The following EXOC4 variants were observed in gnomAD, a reference collection of about 807,000 sequenced individuals.
The protein encoded by EXOC4 is SEC8-like 1.
Under a neutral mutation model 107.2 loss-of-function variants are expected in EXOC4, and 71 were observed. The observed-to-expected ratio is 0.66, with a 90% CI of 0.55 to 0.81. The LOEUF (loss-of-function observed/expected upper bound fraction) is 0.81, where lower values mean the gene tolerates loss of function less well. Ranked by LOEUF, EXOC4 falls within the 30% of genes least tolerant of loss-of-function variation. The pLI is 0.00. For synonymous variants in EXOC4, 456 were observed against 441.2 expected (o/e 1.03, Z -0.42); for missense variants, 1,108 against 1,189.6 (o/e 0.93, Z 1.01).
chr7:134,042,047 C>A (rs892123658), intron 17 of EXOC4, among the ~76,000 whole-genome samples: 7 of 151,192 alleles, frequency 4.6e-5, no homozygotes, highest in Non-Finnish European at 1.0e-4. Context: ...GTGGGGAAGT[C>A]TATCTAGTCC....
intron 16 of EXOC4, among the ~76,000 whole-genome samples, chr7:134,007,378 G>A (rs927305229): frequency 7.9e-5 from 12 of 152,080 alleles, no homozygotes; most frequent in African/African-American, 2.9e-4. Context: ...ATAATAACCT[G>A]GCCTCTTCTC....
At chr7:133,541,093 T>C (rs1425323442) in intron 9 of EXOC4, among the ~76,000 whole-genome samples, 3 of 152,224 alleles carry the variant, frequency 2.0e-5, no homozygotes, top group Admixed American at 1.3e-4. Flanking sequence ...TTTTGAGTTA[T>C]TTGTAATATA....
At chr7:133,700,552 G>C (rs1399125058) in intron 10 of EXOC4, among the ~76,000 whole-genome samples, 1 of 152,152 alleles carries the variant, frequency 6.6e-6, no homozygotes, top group Non-Finnish European at 1.5e-5. Flanking sequence ...TATCTGAGGA[G>C]ACACATGGTC....
chr7:133,581,030 G>C (rs939137653), intron 9 of EXOC4, among the ~76,000 whole-genome samples: 1 of 152,166 alleles, frequency 6.6e-6, no homozygotes, highest in Admixed American at 6.5e-5. Flanking sequence ...GTGTTGCTTT[G>C]AGCATGCATT....
At chr7:133,829,198 GA>G (rs1797760322) in intron 11 of EXOC4, among the ~76,000 whole-genome samples, 1 of 152,196 alleles carries the variant, frequency 6.6e-6, no homozygotes, top group African/African-American at 2.4e-5. Context: ...GTGAAGGAAT[GA>G]AAGGAGAATG....
At chr7:133,808,529 C>G (rs1797134671) in intron 10 of EXOC4, among the ~76,000 whole-genome samples, 1 of 152,122 alleles carries the variant, frequency 6.6e-6, no homozygotes, top group Non-Finnish European at 1.5e-5. Flanking sequence ...TGCTCTGTGT[C>G]TTAAAAGTCA....
the EXOC4 span, among the ~76,000 whole-genome samples, chr7:134,082,443 AGTTGTT>A: frequency 1.3e-5 from 2 of 151,828 alleles, no homozygotes; most frequent in Non-Finnish European, 1.5e-5. Context: ...TAGTTTTTAT[AGTTGTT>A]GTTGTTGTTG....
intron 10 of EXOC4, among the ~76,000 whole-genome samples, chr7:133,735,714 T>C (rs540655088): frequency 1.2e-4 from 18 of 152,284 alleles, no homozygotes; most frequent in African/African-American, 4.3e-4. Flanking sequence ...GTGTTTTTGA[T>C]TATAAATTCT....
At chr7:134,086,989 G>A in the EXOC4 span, among the ~76,000 whole-genome samples, 1 of 152,068 alleles carries the variant, frequency 6.6e-6, no homozygotes, top group African/African-American at 2.4e-5. Flanking sequence ...TGGCCATCTT[G>A]GTTTTGGTGG....
chr7:133,806,540 C>T (rs1797081750), intron 10 of EXOC4, among the ~76,000 whole-genome samples: 1 of 152,156 alleles, frequency 6.6e-6, no homozygotes, highest in Non-Finnish European at 1.5e-5. Context: ...ATATTATGGT[C>T]CTCTCCATCC....
At chr7:133,265,187 C>T (rs1210043472) in intron 1 of EXOC4, among the ~76,000 whole-genome samples, 2 of 151,872 alleles carry the variant, frequency 1.3e-5, no homozygotes, top group Non-Finnish European at 2.9e-5. Flanking sequence ...TTTTTTCCAT[C>T]TCGGAGTGAG....
intron 14 of EXOC4, among the ~76,000 whole-genome samples, chr7:133,956,406 T>A (rs1157254256): frequency 6.6e-6 from 1 of 152,224 alleles, no homozygotes; most frequent in African/African-American, 2.4e-5. Flanking sequence ...CATTGCAAAG[T>A]GAAGCATATA....
rs745376050 is a variant in EXOC4 at position 133,576,741 on chromosome 7, C to T, written c.1418-53304C>T. ...CAACATGGAGATAGAGGATATTGGTCTACAGGGTACTATTGGAGAGGTAAC... is the reference window on the plus strand; with the variant it reads ...CAACATGGAGATAGAGGATATTGGTTTACAGGGTACTATTGGAGAGGTAAC... On this transcript the variant is annotated intron_variant, in intron 9 of 17. Coordinates refer to ENST00000253861, the MANE Select transcript of EXOC4 (RefSeq NM_021807.4). The T allele has an allele frequency of 1.7e-5, 22 of 1,289,738 alleles. 1 individual carries two copies. The South Asian group carries it at 2.7e-4, about 16-fold the overall frequency. 79.9% of individuals were successfully genotyped at this position (1,289,738 alleles called of 1,614,324 possible).
intron 10 of EXOC4, among the ~76,000 whole-genome samples, chr7:133,793,878 C>G (rs1796757862): frequency 7.3e-6 from 1 of 136,446 alleles, no homozygotes; most frequent in African/African-American, 2.7e-5. Context: ...ATAAAATGCC[C>G]TAAAACAGCT....
At chr7:133,616,051 G>T (rs1160598825) in intron 9 of EXOC4, among the ~76,000 whole-genome samples, 2 of 152,038 alleles carry the variant, frequency 1.3e-5, no homozygotes, top group African/African-American at 4.8e-5. Flanking sequence ...TGTTACCATT[G>T]CCAGTCTGTT....
chr7:133,799,331 G>A (rs1022001932), intron 10 of EXOC4, among the ~76,000 whole-genome samples: 5 of 152,162 alleles, frequency 3.3e-5, no homozygotes, highest in Admixed American at 1.3e-4. Flanking sequence ...TCCAGGAGCT[G>A]AGTCTGACTG....
At chr7:133,728,802 C>G (rs1795267837) in intron 10 of EXOC4, among the ~76,000 whole-genome samples, 1 of 152,178 alleles carries the variant, frequency 6.6e-6, no homozygotes, top group Admixed American at 6.5e-5. Context: ...GATCTTTTCT[C>G]TAGCATCCCT....
chr7:133,678,432 C>T (rs1164305825), intron 10 of EXOC4, among the ~76,000 whole-genome samples: 1 of 152,212 alleles, frequency 6.6e-6, no homozygotes, highest in Admixed American at 6.5e-5. Context: ...TCACTTCCAA[C>T]TGTTTCCCTC....
At chr7:133,611,625 A>T (rs1443490832) in intron 9 of EXOC4, among the ~76,000 whole-genome samples, 1 of 151,900 alleles carries the variant, frequency 6.6e-6, no homozygotes, top group African/African-American at 2.4e-5. Context: ...CACTGCCTTG[A>T]ATGTGTCACT....
Sources: allele counts gnomAD v4.1 joint callset (sites outside exome capture counted in the v4.1 genomes callset), GRCh38; gene constraint gnomAD v4.1.1; transcripts MANE v1.5; gene names NCBI Gene and HGNC (gene_info 2026-07-23, HGNC 2026-07-21).